The following INF2 variants were observed in gnomAD, a reference collection of about 807,000 sequenced individuals.
INF2 encodes inverted formin 2, also known as inverted formin-2.
A neutral mutation model predicts 123.5 loss-of-function variants in INF2; 43 were observed. The ratio of observed to expected loss-of-function variants is 0.35; its 90% CI spans 0.27 to 0.45. The LOEUF (loss-of-function observed/expected upper bound fraction) is 0.45. INF2 is among the 20% of genes least tolerant of loss of function. INF2 has a pLI of 1.00. For missense variants in INF2, 1,453 were observed against 1,682.7 expected, an observed-to-expected ratio of 0.86 and a Z score of 2.39; for synonymous variants, 851 against 745.0, an observed-to-expected ratio of 1.14 and a Z score of -2.32.
chr14:104,713,726 GC>G, intron 20 of INF2, 120 bp downstream of exon 20: 1 of 1,158,960 alleles, frequency 8.6e-7, no homozygotes. Context: ...CACCCTGGAG[GC>G]CCCTAAGACT....
chr14:104,713,706 C>G (rs1890161790), intron 20 of INF2, 100 bp downstream of exon 20: 3 of 1,340,034 alleles, frequency 2.2e-6, no homozygotes. Context: ...GCCCTCTCCT[C>G]TCCCTGGGCC....
In INF2 at chr14:104,706,658, T is replaced by C. The variant is rs112186582; in HGVS notation, c.844-252T>C. ...CATCTGGCAACATCTGAAGACATTT[T>C]TGGCTGCCACGGCTGGGCAGGGGGT... On this transcript the variant is annotated intron_variant, in intron 6 of 22. Coordinates refer to ENST00000392634, the MANE Select transcript of INF2 (RefSeq NM_022489.4). 0.011 allele frequency among the ~76,000 whole-genome samples: 1,672 copies of C among 152,252 alleles called. 40 individuals are homozygous for C. The highest frequency in any genetic ancestry group is 0.038 in the African/African-American group (1,574 of 41,524).
chr14:104,709,192 G>A lies in INF2; in HGVS notation c.1950-89G>A. The A allele has an allele frequency of 7.0e-6, 7 of 1,002,648 alleles. No homozygotes were observed. The South Asian group carries it at 8.2e-5, about 12-fold the overall frequency. 62.1% of individuals were successfully genotyped at this position (1,002,648 alleles called of 1,614,324 possible). On this transcript the variant is annotated intron_variant, in intron 10 of 22. Transcript: ENST00000392634. Reference sequence around the variant, plus strand: ...GCCCTGGCCACCCCATGACTACGTGGGGAAACCCTGCCAGGTGGGGTCCCA... The same window carrying A: ...GCCCTGGCCACCCCATGACTACGTGAGGAAACCCTGCCAGGTGGGGTCCCA...
In INF2 at chr14:104,696,716, T is replaced by C. The variant is rs1471023530; in HGVS notation, c.-9-4641T>C. The stretch of plus-strand genomic sequence containing the variant: ...TGGAGATCCATGGGTTGCCAAGCAG[T>C]GGAAAAATTGGGGCTCTCGGAGGAG... On this transcript the variant is annotated intron_variant, in intron 1 of 22. Coordinates refer to ENST00000392634, the MANE Select transcript of INF2 (RefSeq NM_022489.4). Among the ~76,000 whole-genome samples the C allele has an allele frequency of 4.0e-5, 6 of 151,774 alleles. No individual in the cohort carries two copies. In the East Asian group the frequency reaches 1.2e-3, roughly 30 times the overall value.
rs1214547576 is a variant in INF2 at position 104,718,979 on chromosome 14, G to A, written c.*186G>A. ...GGTGTTGTGGCTGGGAACCCGACAGGCACCAGTGCCCTGCCAGGCCTGGTG... is the reference window on the plus strand; with the variant it reads ...GGTGTTGTGGCTGGGAACCCGACAGACACCAGTGCCCTGCCAGGCCTGGTG... On this transcript the variant is annotated 3_prime_UTR_variant, in exon 23 of 23. Transcript: ENST00000392634. 7.3e-6 allele frequency: 10 copies of A among 1,370,382 alleles called. 1 individual carries two copies. The highest frequency in any genetic ancestry group is 2.7e-4 in the Middle Eastern group (1 of 3,756). The allele number at this position is 1,370,382 out of a possible 1,614,324, so 84.9% of individuals were successfully genotyped here.
chr14:104,695,453 G>A (rs567587691), intron 1 of INF2, among the ~76,000 whole-genome samples: 43 of 152,180 alleles, frequency 2.8e-4, no homozygotes, highest in Non-Finnish European at 5.0e-4. Flanking sequence ...AGGCCCATTC[G>A]GTGACTGGCG....
At chr14:104,689,191 G>A (rs1888796745), upstream of INF2, 7 of 985,228 alleles carry the variant, frequency 7.1e-6, no homozygotes, top group Non-Finnish European at 8.4e-6. Flanking sequence ...CCCCGAACGC[G>A]GGGACTCCGG....
upstream of INF2, among the ~76,000 whole-genome samples, chr14:104,688,323 G>A (rs1328995231): frequency 1.3e-5 from 2 of 151,972 alleles, no homozygotes; most frequent in Non-Finnish European, 2.9e-5. Flanking sequence ...GCAGACAGAC[G>A]CAGCCTGCAA....
At chr14:104,714,065 G>A (rs1890177533) in intron 20 of INF2, 138 bp from the exon 21 acceptor site, 1 of 742,810 alleles carries the variant, frequency 1.3e-6, no homozygotes, top group Non-Finnish European at 2.1e-6. Context: ...GCCGGGTCCT[G>A]CTCTGAGACA....
At chr14:104,717,712 G>T (rs79588488) in intron 22 of INF2, 1 of 152,288 alleles carries the variant, frequency 6.6e-6, no homozygotes, top group South Asian at 2.1e-4. Flanking sequence ...TCCCCAGCTG[G>T]GTGGGGACGT....
intron 1 of INF2, among the ~76,000 whole-genome samples, chr14:104,682,816 C>A (rs1480473400): frequency 2.0e-5 from 3 of 152,138 alleles, no homozygotes. Flanking sequence ...CTCACGTCCC[C>A]CCCGGACAAG....
At chr14:104,718,488 C>G (rs370408176) in intron 22 of INF2, among the ~76,000 whole-genome samples, 2 of 152,016 alleles carry the variant, frequency 1.3e-5, no homozygotes, top group African/African-American at 4.8e-5. Flanking sequence ...AGAGTGCAGC[C>G]TGGGTCTCAG....
upstream of INF2, among the ~76,000 whole-genome samples, chr14:104,687,200 T>C (rs1474139734): frequency 6.6e-6 from 1 of 151,934 alleles, no homozygotes; most frequent in Non-Finnish European, 1.5e-5. This position sits in a 1 kb window ranked among gnomAD's most constrained non-coding sequence, Gnocchi z 5.6. Flanking sequence ...TGAGGCCAAA[T>C]CGGTCCTCTC....
Position 104,719,620 on chromosome 14 carries a change from GTCGTGT to G in INF2, c.*830_*835del, listed in dbSNP as rs1164666331. ...AGCAGACCTAGCCCGGTGTGCGACT[GTCGTGT>G]TCAGAGGCTGCGGGAGTGGGCGGTG... On this transcript the variant is annotated 3_prime_UTR_variant, in exon 23 of 23. Coordinates refer to ENST00000392634, the MANE Select transcript of INF2 (RefSeq NM_022489.4). 6.6e-6 allele frequency: 1 copy of G among 152,330 alleles called. No homozygotes were observed. The allele number at this position is 152,330 out of a possible 1,614,324, so 9.4% of individuals were successfully genotyped here. A position where few individuals can be genotyped will look rare whatever the true frequency, so the allele number is the denominator to read the frequency against.
At chr14:104,706,884 C>T in intron 6 of INF2, 26 bp from the exon 7 acceptor site, 1 of 1,601,560 alleles carries the variant, frequency 6.2e-7, no homozygotes, top group East Asian at 2.2e-5. Flanking sequence ...CGGCTGCTGA[C>T]CTGCACCCCA....
At chr14:104,705,050 G>A (rs1421821302) in intron 5 of INF2, among the ~76,000 whole-genome samples, 2 of 152,214 alleles carry the variant, frequency 1.3e-5, no homozygotes, top group Non-Finnish European at 2.9e-5. Flanking sequence ...AGTCAGGACT[G>A]TACTCAGGGG....
Position 104,701,645 on chromosome 14 carries a change from G to C in INF2, c.280G>C (p.Asp94His). Residue 94 changes from aspartate to histidine, a missense_variant, in exon 2 of 23, where the codon GAC becomes CAC. Asp to His is a moderately conservative substitution (Grantham distance 81). Around this residue, in one of 8 missense-constraint regions of INF2, gnomAD observed 251 missense variants for 349.4 expected, o/e 0.72. Transcript: ENST00000392634. ...GGGCCGCGGCGTTGCACGTATCTCC[G>C]ACGCCCTGCTGCAGCTCACCTGCGT... ...LSGRGVARIS[D>H]ALLQLTCVSC... The C allele has an allele frequency of 6.3e-7, 1 of 1,597,862 alleles. No individual in the cohort carries two copies.
chr14:104,705,958 G>C, intron 5 of INF2, 77 bp from the exon 6 acceptor site: 1 of 1,555,994 alleles, frequency 6.4e-7, no homozygotes. Context: ...TGGTACACTG[G>C]CGCTGACCCA....
chr14:104,703,069 T>C (rs770982911), intron 2 of INF2, 36 bp from the exon 3 acceptor site: 4 of 1,532,442 alleles, frequency 2.6e-6, no homozygotes, highest in Non-Finnish European at 3.6e-6. Context: ...AAGGGGTGCA[T>C]TGGCCCTGCT....
Sources: allele counts gnomAD v4.1 joint callset (sites outside exome capture counted in the v4.1 genomes callset), GRCh38; gene constraint gnomAD v4.1.1; regional missense constraint gnomAD v4.1.1; non-coding constraint Gnocchi (gnomAD v3.1); transcripts MANE v1.5; gene names NCBI Gene and HGNC (gene_info 2026-07-23, HGNC 2026-07-21).